Variants in SLX4IP observed in about 807,000 individuals in gnomAD.
SLX4IP encodes SLX4 interacting protein.
SLX4IP carries 34 observed loss-of-function variants against 32.9 expected under a neutral mutation model. The observed-to-expected ratio is 1.03, with a 90% CI of 0.79 to 1.38. The LOEUF is 1.38. SLX4IP is among the 40% of genes most tolerant of loss of function. The probability of loss-of-function intolerance (pLI) is 0.00; values close to 1 mark genes in which losing one functional copy is unlikely to be tolerated. For synonymous variants in SLX4IP, 172 were observed against 171.7 expected, an observed-to-expected ratio of 1.00 and a Z score of -0.01; for missense variants, 444 against 479.0, an observed-to-expected ratio of 0.93 and a Z score of 0.68.
At chr20:10,505,878 G>C (rs1260851458) in intron 2 of SLX4IP, among the ~76,000 whole-genome samples, 2 of 150,966 alleles carry the variant, frequency 1.3e-5, no homozygotes, top group Non-Finnish European at 2.9e-5. Context: ...GCTCTTGCAC[G>C]GTAACATCTT....
chr20:10,454,383 C>T (rs770121694), intron 1 of SLX4IP, among the ~76,000 whole-genome samples: 2 of 151,456 alleles, frequency 1.3e-5, no homozygotes, highest in African/African-American at 2.4e-5. Context: ...AGAGTATGGG[C>T]AGGGTAGAGA....
intron 2 of SLX4IP, among the ~76,000 whole-genome samples, chr20:10,474,661 C>T (rs895170319): frequency 1.3e-5 from 2 of 152,232 alleles, no homozygotes; most frequent in South Asian, 2.1e-4. Flanking sequence ...GGGGCTGGAG[C>T]CTCTCCACTT....
chr20:10,568,362 C>G (rs1477313674), intron 4 of SLX4IP, among the ~76,000 whole-genome samples: 1 of 152,202 alleles, frequency 6.6e-6, no homozygotes, highest in Non-Finnish European at 1.5e-5. Flanking sequence ...GTGACTTTCT[C>G]TGCCAGTAGA....
chr20:10,516,604 A>G (rs2065851859), intron 2 of SLX4IP, among the ~76,000 whole-genome samples: 1 of 152,228 alleles, frequency 6.6e-6, no homozygotes, highest in Non-Finnish European at 1.5e-5. Context: ...TCATTGCTTT[A>G]TAGCCCTTCT....
intron 2 of SLX4IP, among the ~76,000 whole-genome samples, chr20:10,468,495 T>A (rs867151945): frequency 6.6e-6 from 1 of 152,206 alleles, no homozygotes; most frequent in African/African-American, 2.4e-5. Context: ...TCCCCTTCCT[T>A]TTTAACTTGG....
intron 1 of SLX4IP, among the ~76,000 whole-genome samples, chr20:10,455,939 T>A (rs1406425975): frequency 6.6e-6 from 1 of 152,042 alleles, no homozygotes; most frequent in East Asian, 1.9e-4. Flanking sequence ...CTAGTATAGG[T>A]TGAGCATCCC....
chr20:10,623,908 C>T lies in SLX4IP; in HGVS notation c.*529C>T, dbSNP rs2067144967. 1 of 155,866 alleles carries T rather than the reference C, an allele frequency of 6.4e-6. No individual in the cohort carries two copies. Among genetic ancestry groups the T allele is most frequent in the Admixed American group, 6.2e-5 (1 of 16,176 alleles). The allele number at this position is 155,866 out of a possible 1,614,324, so 9.7% of individuals were successfully genotyped here. A position where few individuals can be genotyped will look rare whatever the true frequency, so the allele number is the denominator to read the frequency against. ...TGTGCTAGAAATGTGGTTATTGGGC[C>T]CTGCCCCATGCTGAGTAACTGCCTT... On this transcript the variant is annotated 3_prime_UTR_variant, in exon 8 of 8. Coordinates refer to ENST00000334534, the MANE Select transcript of SLX4IP (RefSeq NM_001009608.3).
At chr20:10,575,456 T>C (rs527618192) in intron 4 of SLX4IP, among the ~76,000 whole-genome samples, 6 of 152,254 alleles carry the variant, frequency 3.9e-5, no homozygotes, top group African/African-American at 1.2e-4. Context: ...GGCTGTACTT[T>C]CCTTTGACAC....
At chr20:10,557,576 A>C (rs1205273722) in intron 3 of SLX4IP, among the ~76,000 whole-genome samples, 2 of 152,226 alleles carry the variant, frequency 1.3e-5, no homozygotes, top group Non-Finnish European at 2.9e-5. Context: ...GTTTCCCCAA[A>C]GTGACCAATA....
intron 3 of SLX4IP, among the ~76,000 whole-genome samples, chr20:10,560,052 A>G (rs1234419875): frequency 6.6e-6 from 1 of 152,234 alleles, no homozygotes; most frequent in East Asian, 1.9e-4. Flanking sequence ...ACCAAGTTTG[A>G]AAAATGGGAT....
At chr20:10,619,162 G>C (rs1302431807) in intron 6 of SLX4IP, among the ~76,000 whole-genome samples, 2 of 151,898 alleles carry the variant, frequency 1.3e-5, no homozygotes, top group Non-Finnish European at 2.9e-5. Flanking sequence ...TTTGTAAGCG[G>C]GAGACCCCGC....
At chr20:10,522,625 A>G (rs1049545373) in intron 2 of SLX4IP, among the ~76,000 whole-genome samples, 1 of 152,128 alleles carries the variant, frequency 6.6e-6, no homozygotes, top group Non-Finnish European at 1.5e-5. Context: ...CAAGTGCCTT[A>G]CCCTCATTAA....
intron 1 of SLX4IP, among the ~76,000 whole-genome samples, chr20:10,449,556 G>A (rs2122328554): frequency 6.6e-6 from 1 of 152,278 alleles, no homozygotes; most frequent in South Asian, 2.1e-4. Context: ...GCTTGGTTAG[G>A]CCATCAGCTG....
chr20:10,506,139 C>T (rs954849024), intron 2 of SLX4IP, among the ~76,000 whole-genome samples: 1 of 152,166 alleles, frequency 6.6e-6, no homozygotes, highest in Non-Finnish European at 1.5e-5. Context: ...GGAGCAAACC[C>T]GGAGAACCTC....
At chr20:10,617,017 T>A (rs2067042749) in intron 6 of SLX4IP, among the ~76,000 whole-genome samples, 1 of 152,274 alleles carries the variant, frequency 6.6e-6, no homozygotes, top group African/African-American at 2.4e-5. Context: ...ATAATTCTGC[T>A]GGGTATCAGA....
At chr20:10,606,198 C>G (rs1857521365) in intron 6 of SLX4IP, among the ~76,000 whole-genome samples, 1 of 152,046 alleles carries the variant, frequency 6.6e-6, no homozygotes, top group Non-Finnish European at 1.5e-5. Flanking sequence ...AGAAAAACTT[C>G]CAGGGTAGTT....
At chr20:10,553,283 G>A (rs920993003) in intron 2 of SLX4IP, among the ~76,000 whole-genome samples, 7 of 152,082 alleles carry the variant, frequency 4.6e-5, no homozygotes, top group Admixed American at 3.9e-4. Flanking sequence ...ATTTGTAGTA[G>A]TACTAGATCC....
chr20:10,466,227 A>G (rs946297699), intron 2 of SLX4IP, among the ~76,000 whole-genome samples: 1 of 152,240 alleles, frequency 6.6e-6, no homozygotes, highest in Non-Finnish European at 1.5e-5. Context: ...TTGAAAAAGT[A>G]TAGAATGTTG....
chr20:10,513,393 A>G (rs1267558347), intron 2 of SLX4IP, among the ~76,000 whole-genome samples: 1 of 152,224 alleles, frequency 6.6e-6, no homozygotes, highest in Admixed American at 6.5e-5. Context: ...CAGGTGTGAA[A>G]TAATTAAATC....
Sources: allele counts gnomAD v4.1 joint callset (sites outside exome capture counted in the v4.1 genomes callset), GRCh38; gene constraint gnomAD v4.1.1; transcripts MANE v1.5; gene names NCBI Gene and HGNC (gene_info 2026-07-23, HGNC 2026-07-21).